ARVCF: variants seen among roughly 807,000 people sequenced by gnomAD.
ARVCF encodes ARVCF delta catenin family member.
In ARVCF, 66 loss-of-function variants were observed where a neutral mutation model predicts 90.9. That is an observed-to-expected ratio of 0.73 (90% CI 0.60 to 0.89). The LOEUF is 0.89. ARVCF is among the 40% of genes least tolerant of loss of function. ARVCF has a pLI of 0.00. For synonymous variants in ARVCF, 653 were observed against 603.4 expected (o/e 1.08, Z -1.21); for missense variants, 1,469 against 1,382.3 (o/e 1.06, Z -1.00).
chr22:19,971,704 G>A lies in ARVCF; in HGVS notation c.2781+182C>T, dbSNP rs62223683. Among the ~76,000 whole-genome samples, 8,922 of 152,284 alleles carry A rather than the reference G, an allele frequency of 0.059. 378 individuals carry two copies. The highest frequency in any genetic ancestry group is 0.095 in the Middle Eastern group (28 of 294). ...GCAGTGTTGTCCCCAGTGGGTGGGAGCTGCAAACTTGTCAGTACCCACAGA... is the reference window on the plus strand; with the variant it reads ...GCAGTGTTGTCCCCAGTGGGTGGGAACTGCAAACTTGTCAGTACCCACAGA... On this transcript the variant is annotated intron_variant, in intron 18 of 19. Coordinates refer to ENST00000263207, the MANE Select transcript of ARVCF (RefSeq NM_001670.3).
At position 19,970,594 on chromosome 22, in the gene ARVCF, G is replaced by GGGGGGGGGGGGGGGGGGGCC; in HGVS notation, c.*161_*162insGGCCCCCCCCCCCCCCCCCC. The GGGGGGGGGGGGGGGGGGGCC allele has an allele frequency of 1.9e-6, 1 of 525,372 alleles. No homozygotes were observed. Among genetic ancestry groups the GGGGGGGGGGGGGGGGGGGCC allele is most frequent in the Non-Finnish European group, 3.2e-6 (1 of 317,230 alleles). The allele number at this position is 525,372 out of a possible 1,614,324, so 32.5% of individuals were successfully genotyped here. ...AGGATGGGGGGAGTGGGGTGGGGGG[G>GGGGGGGGGGGGGGGGGGGCC]CAGGAGGGTGTCCCCAAAGTCAGGC... On this transcript the variant is annotated 3_prime_UTR_variant, in exon 20 of 20. Transcript: ENST00000263207.
In ARVCF at chr22:19,981,632, CA is replaced by C. The variant is rs748200692; in HGVS notation, c.474del (p.Phe158LeufsTer164). On this transcript the variant is annotated frameshift_variant, in exon 5 of 20. Transcript: ENST00000263207. LOFTEE classifies it high-confidence loss of function. ...AAATGCCGGTCCAGGGCACCATCTG[CA>C]AAAGGGCCTAGTGGGGGGCCGCCAT... ...LLDGGPPLGP[F>X]ADGALDRHFL... 36 of 1,609,134 alleles carry C rather than the reference CA, an allele frequency of 2.2e-5. 1 individual carries two copies. In the South Asian group the frequency reaches 4.0e-4, roughly 18 times the overall value.
intron 16 of ARVCF, 129 bp from the exon 17 acceptor site, chr22:19,972,540 C>T: frequency 7.9e-7 from 1 of 1,272,896 alleles, no homozygotes; most frequent in Non-Finnish European, 1.1e-6. Flanking sequence ...CCTCTGCCAG[C>T]TGGCAGCCTC....
At chr22:19,986,169 G>A (rs1943754819) in intron 3 of ARVCF, among the ~76,000 whole-genome samples, 1 of 152,236 alleles carries the variant, frequency 6.6e-6, no homozygotes, top group Admixed American at 6.5e-5. Flanking sequence ...GCTTCCCCAA[G>A]CTCAGCTTGG....
At chr22:19,997,921 G>A (rs573936836) in intron 2 of ARVCF, among the ~76,000 whole-genome samples, 55 of 152,356 alleles carry the variant, frequency 3.6e-4, no homozygotes, top group Admixed American at 4.6e-4. Context: ...CCTGCCTTAG[G>A]GAGGGCAGGC....
rs1944326506 is a variant in ARVCF, at chr22:19,998,279, C to T, written c.-18-7467G>A. ...AAGACGGGGTTAGACCCCTTCTTCC[C>T]AGCCCCTCTATCACCATGGAAACAC... On this transcript the variant is annotated intron_variant, in intron 2 of 19. Transcript: ENST00000263207. Among the ~76,000 whole-genome samples, 3 of 152,234 alleles carry T rather than the reference C, an allele frequency of 2.0e-5. No homozygotes were observed. In the South Asian group the frequency reaches 6.2e-4, roughly 31 times the overall value.
Position 19,970,753 on chromosome 22 carries a change from G to A in ARVCF, c.*13-10C>T. 1 of 1,291,126 alleles carries A rather than the reference G, an allele frequency of 7.7e-7. No homozygotes were observed. Among genetic ancestry groups the A allele is most frequent in the Non-Finnish European group, 1.0e-6 (1 of 989,872 alleles). 80.0% of individuals were successfully genotyped at this position (1,291,126 alleles called of 1,614,324 possible). On this transcript the variant is annotated splice_polypyrimidine_tract_variant and intron_variant, in intron 19 of 19. Coordinates refer to ENST00000263207, the MANE Select transcript of ARVCF (RefSeq NM_001670.3). ...AGGCTGGGCCTGGGCCCTGCAGAGGGAAAGGGGATGGTGGACGCTGCAGCC... is the reference window on the plus strand; with the variant it reads ...AGGCTGGGCCTGGGCCCTGCAGAGGAAAAGGGGATGGTGGACGCTGCAGCC...
intron 2 of ARVCF, among the ~76,000 whole-genome samples, chr22:20,007,040 GC>G (rs2146479151): frequency 6.6e-6 from 1 of 152,164 alleles, no homozygotes; most frequent in Admixed American, 6.5e-5. Context: ...GATTGCTGGG[GC>G]CCAGAAGTTC....
chr22:19,996,935 C>A (rs1026216308), intron 2 of ARVCF, among the ~76,000 whole-genome samples: 4 of 152,228 alleles, frequency 2.6e-5, no homozygotes, highest in African/African-American at 9.7e-5. Flanking sequence ...AGGCTGTCCA[C>A]ATGCTCACTC....
In ARVCF at chr22:19,975,748, T is replaced by G. The variant is rs116710238; in HGVS notation, c.1898A>C (p.Asp633Ala). 9.6e-5 allele frequency: 155 copies of G among 1,613,548 alleles called. No homozygotes were observed. In the East Asian group the frequency reaches 3.3e-3, roughly 35 times the overall value. The change falls in exon 11 of 20, where the codon GAT (aspartate) becomes GCT (alanine). Residue 633 changes from aspartate to alanine, a missense_variant. By Grantham distance (126) the Asp-to-Ala change is moderately radical (BLOSUM62 -2). Coordinates refer to ENST00000263207, the MANE Select transcript of ARVCF (RefSeq NM_001670.3). ...GTCAAAGTTCCGGTCCATCTCACCA[T>G]CCTTCTTTCCTGGAAGGGAAAGGTG... ...KEEWFHQGKK[D>A]GEMDRNFDTL...
intron 3 of ARVCF, chr22:19,983,844 C>G (rs1943627076): frequency 6.6e-6 from 1 of 152,316 alleles, no homozygotes; most frequent in African/African-American, 2.4e-5. Context: ...TAGACTGAGG[C>G]CTAGAGTGGG....
In ARVCF at chr22:19,973,762, T is replaced by C. The variant is rs773036187; in HGVS notation, c.2120A>G (p.Lys707Arg). 6.2e-7 allele frequency: 1 copy of C among 1,607,650 alleles called. No homozygotes were observed. Among genetic ancestry groups the C allele is most frequent in the South Asian group, 1.1e-5 (1 of 91,078 alleles). ...CACAAGCACCGGCAGCCCGCGCTCT[T>C]TGCGCACTGTGGCGCGGATGTACGT... ...WATYIRATVR[K>R]ERGLPVLVEL... The change falls in exon 13 of 20, where the codon AAA becomes AGA. Residue 707 changes from lysine (K) to arginine (R), a missense_variant. Transcript: ENST00000263207.
chr22:20,014,968 G>T, intron 1 of ARVCF, among the ~76,000 whole-genome samples: 1 of 152,144 alleles, frequency 6.6e-6, no homozygotes, highest in Non-Finnish European at 1.5e-5. Context: ...CCCCGGGACT[G>T]GGGGGAGACT....
intron 2 of ARVCF, among the ~76,000 whole-genome samples, chr22:19,994,277 G>C (rs1193906984): frequency 1.3e-5 from 2 of 150,960 alleles, no homozygotes; most frequent in Non-Finnish European, 3.0e-5. Flanking sequence ...ATGGGTCGGG[G>C]GGATGCTGAA....
chr22:19,982,129 C>T, intron 3 of ARVCF, 38 bp from the exon 4 acceptor site: 1 of 1,602,140 alleles, frequency 6.2e-7, no homozygotes, highest in African/African-American at 1.3e-5. Context: ...AGGCCTGCTG[C>T]TCAGTCACCC....
At chr22:19,968,731 C>A, downstream of ARVCF, 1 of 1,569,054 alleles carries the variant, frequency 6.4e-7, no homozygotes. Flanking sequence ...CGAAGCAGGG[C>A]CCTGACTGCC....
chr22:19,969,828 G>A (rs531307859), downstream of ARVCF: 14 of 985,134 alleles, frequency 1.4e-5, no homozygotes, highest in South Asian at 4.7e-5. Context: ...TGCCCCAGAC[G>A]CGCAGAGGCC....
intron 2 of ARVCF, among the ~76,000 whole-genome samples, chr22:20,005,637 G>A (rs949912369): frequency 2.0e-5 from 3 of 152,048 alleles, no homozygotes; most frequent in African/African-American, 7.2e-5. Context: ...GGCTAGCACG[G>A]TGAAACCCCG....
chr22:19,995,594 C>A (rs1010530781), intron 2 of ARVCF, among the ~76,000 whole-genome samples: 1 of 152,180 alleles, frequency 6.6e-6, no homozygotes, highest in African/African-American at 2.4e-5. Flanking sequence ...CTTGCCAACC[C>A]AGACATTCCT....
Sources: allele counts gnomAD v4.1 joint callset (sites outside exome capture counted in the v4.1 genomes callset), GRCh38; gene constraint gnomAD v4.1.1; transcripts MANE v1.5; gene names NCBI Gene and HGNC (gene_info 2026-07-23, HGNC 2026-07-21).